Variants in CDS1 observed in about 807,000 individuals in gnomAD.
CDS1 encodes CDP-diacylglycerol synthase 1, also known as phosphatidate cytidylyltransferase 1.
A neutral mutation model predicts 62.1 loss-of-function variants in CDS1; 41 were observed. The observed-to-expected ratio is 0.66, with a 90% CI of 0.51 to 0.86. The LOEUF (loss-of-function observed/expected upper bound fraction) is 0.86. Ranked by LOEUF, CDS1 falls within the 40% of genes least tolerant of loss-of-function variation. CDS1 has a pLI of 0.00. For missense variants in CDS1, 470 were observed against 550.1 expected (o/e 0.85, Z 1.46); for synonymous variants, 185 against 192.6 (o/e 0.96, Z 0.32).
At chr4:84,630,917 T>C (rs767176402) in intron 5 of CDS1, among the ~76,000 whole-genome samples, 19 of 152,238 alleles carry the variant, frequency 1.2e-4, no homozygotes, top group Non-Finnish European at 2.4e-4. Flanking sequence ...AACCTATCTT[T>C]AGACGTTTAC....
chr4:84,618,952 C>T (rs540787870), intron 4 of CDS1, among the ~76,000 whole-genome samples: 8 of 152,082 alleles, frequency 5.3e-5, no homozygotes, highest in African/African-American at 1.7e-4. Context: ...TCAATATATA[C>T]ACCCACACAT....
At chr4:84,600,826 T>C (rs1722913378) in intron 1 of CDS1, among the ~76,000 whole-genome samples, 1 of 152,106 alleles carries the variant, frequency 6.6e-6, no homozygotes, top group South Asian at 2.1e-4. Context: ...CTGGGATGTT[T>C]ACAGAAGAAG....
chr4:84,629,710 T>C (rs562656719), intron 5 of CDS1, among the ~76,000 whole-genome samples: 2 of 152,304 alleles, frequency 1.3e-5, no homozygotes, highest in Non-Finnish European at 2.9e-5. Context: ...GAGAACTGTA[T>C]TATCTTACTG....
At chr4:84,634,066 T>C (rs1724105086) in intron 7 of CDS1, 127 bp downstream of exon 7, 1 of 456,332 alleles carries the variant, frequency 2.2e-6, no homozygotes, top group Non-Finnish European at 3.8e-6. Flanking sequence ...TCCATTAAAC[T>C]ATCTTACTGA....
At chr4:84,623,179 C>A (rs778219420) in intron 5 of CDS1, among the ~76,000 whole-genome samples, 2 of 152,120 alleles carry the variant, frequency 1.3e-5, no homozygotes, top group Non-Finnish European at 2.9e-5. Context: ...GCTGAGCTGT[C>A]CTCATGATTT....
chr4:84,636,803 G>A (rs370254780), intron 8 of CDS1, among the ~76,000 whole-genome samples: 2 of 152,190 alleles, frequency 1.3e-5, no homozygotes, highest in African/African-American at 4.8e-5. Context: ...GGGATTACAG[G>A]CGTGAGCCAC....
At chr4:84,587,212 G>T (rs894195130) in intron 1 of CDS1, among the ~76,000 whole-genome samples, 1 of 151,840 alleles carries the variant, frequency 6.6e-6, no homozygotes, top group African/African-American at 2.4e-5. Flanking sequence ...ATATATATTT[G>T]TATTTGTATA....
intron 5 of CDS1, among the ~76,000 whole-genome samples, chr4:84,626,247 T>TA (rs1305005148): frequency 1.3e-5 from 2 of 152,228 alleles, no homozygotes; most frequent in Non-Finnish European, 2.9e-5. Flanking sequence ...ACTGCTATTT[T>TA]ATGACAGTCT....
intron 5 of CDS1, among the ~76,000 whole-genome samples, chr4:84,621,796 C>T (rs1045831315): frequency 2.0e-5 from 3 of 152,126 alleles, no homozygotes; most frequent in African/African-American, 4.8e-5. Flanking sequence ...CTTTTCACTG[C>T]TATATCTATA....
chr4:84,590,994 C>T (rs551305207), intron 1 of CDS1, among the ~76,000 whole-genome samples: 65 of 152,168 alleles, frequency 4.3e-4, no homozygotes, highest in Admixed American at 1.8e-3. Context: ...AAATGCCTCT[C>T]GGGGCCTGAT....
In CDS1 at chr4:84,583,726, C is replaced by G. The variant is rs540128622; in HGVS notation, c.117+208C>G. ...GTGGCGGTGAGGTTCCCAGGATGAC[C>G]GCGGCCGCTGCCCGGGAGAAATGGG... On this transcript the variant is annotated intron_variant, in intron 1 of 12. Coordinates refer to ENST00000295887, the MANE Select transcript of CDS1 (RefSeq NM_001263.4). 5.2e-3 allele frequency among the ~76,000 whole-genome samples: 792 copies of G among 152,196 alleles called. 11 individuals carry two copies. The highest frequency in any genetic ancestry group is 0.018 in the African/African-American group (747 of 41,540).
chr4:84,643,105 T>G lies in CDS1; in HGVS notation c.1114T>G (p.Phe372Val). 1 of 1,613,330 alleles carries G rather than the reference T, an allele frequency of 6.2e-7. No individual in the cohort carries two copies. ...FASLIGPFGGFFASGFKRAFK... is the reference protein window; with the variant it reads ...FASLIGPFGGVFASGFKRAFK... ...ATCTTTAATTGGCCCATTTGGAGGC[T>G]TCTTTGCTAGTGGATTCAAAAGAGC... The change falls in exon 11 of 13, where the codon TTC becomes GTC. Residue 372 changes from phenylalanine (F) to valine (V), a missense_variant. By Grantham distance (50) the Phe-to-Val change is conservative. Coordinates refer to ENST00000295887, the MANE Select transcript of CDS1 (RefSeq NM_001263.4).
At chr4:84,625,941 G>A (rs1723843453) in intron 5 of CDS1, among the ~76,000 whole-genome samples, 1 of 152,056 alleles carries the variant, frequency 6.6e-6, no homozygotes, top group Admixed American at 6.6e-5. Context: ...GCTGAGGTGG[G>A]TGGATCACGT....
intron 2 of CDS1, among the ~76,000 whole-genome samples, chr4:84,607,915 A>G (rs751105951): frequency 5.3e-5 from 8 of 152,370 alleles, no homozygotes; most frequent in Admixed American, 4.6e-4. Context: ...CATCATTTGT[A>G]TATAGGAGCA....
chr4:84,638,660 T>C (rs946612960), intron 8 of CDS1, among the ~76,000 whole-genome samples: 1 of 152,126 alleles, frequency 6.6e-6, no homozygotes, highest in African/African-American at 2.4e-5. Flanking sequence ...AGAACAAATT[T>C]AGACCATTTA....
intron 3 of CDS1, among the ~76,000 whole-genome samples, chr4:84,614,450 GTTC>G (rs1723425427): frequency 6.6e-6 from 1 of 151,992 alleles, no homozygotes; most frequent in East Asian, 1.9e-4. Flanking sequence ...TTCAGGTTAT[GTTC>G]TTTTTTTTAT....
At chr4:84,604,973 CATTACCATTTTA>C (rs1246808573) in intron 2 of CDS1, among the ~76,000 whole-genome samples, 1 of 152,110 alleles carries the variant, frequency 6.6e-6, no homozygotes, top group African/African-American at 2.4e-5. Context: ...CTCCACAATC[CATTACCATTTTA>C]TATTTGTGCA....
At chr4:84,598,960 C>T (rs1484654957) in intron 1 of CDS1, among the ~76,000 whole-genome samples, 1 of 152,170 alleles carries the variant, frequency 6.6e-6, no homozygotes, top group Non-Finnish European at 1.5e-5. Context: ...GTTCTCTTTC[C>T]TGGACTGCTC....
chr4:84,590,093 G>C (rs1258698501), intron 1 of CDS1, among the ~76,000 whole-genome samples: 1 of 152,160 alleles, frequency 6.6e-6, no homozygotes, highest in Non-Finnish European at 1.5e-5. Flanking sequence ...TTACAGGCAT[G>C]AGCCACCTCA....
Sources: allele counts gnomAD v4.1 joint callset (sites outside exome capture counted in the v4.1 genomes callset), GRCh38; gene constraint gnomAD v4.1.1; transcripts MANE v1.5; gene names NCBI Gene and HGNC (gene_info 2026-07-23, HGNC 2026-07-21).